CSMD1: variants seen among roughly 807,000 people sequenced by gnomAD.
The protein encoded by CSMD1 is CUB and sushi domain-containing protein 1.
In CSMD1, 213 loss-of-function variants were observed where a neutral mutation model predicts 417.5. The observed-to-expected ratio is 0.51, with a 90% CI of 0.46 to 0.57. CSMD1 has a LOEUF of 0.57. Among genes scored for constraint, CSMD1 ranks in the 20% least tolerant of loss-of-function variants. The pLI is 0.00. For missense variants in CSMD1, 6,923 were observed against 4,529.7 expected (o/e 1.53, Z -15.17); for synonymous variants, 2,862 against 1,736.8 (o/e 1.65, Z -16.11).
At chr8:2,986,354 G>C (rs1274323924) in intron 54 of CSMD1, among the ~76,000 whole-genome samples, 1 of 152,072 alleles carries the variant, frequency 6.6e-6, no homozygotes, top group Non-Finnish European at 1.5e-5. Flanking sequence ...GTTCTCCCAG[G>C]AAGTCGAGCA....
chr8:3,068,497 A>G (rs1007857562), intron 49 of CSMD1, among the ~76,000 whole-genome samples: 16 of 152,218 alleles, frequency 1.1e-4, no homozygotes, highest in Admixed American at 3.9e-4. Context: ...CATGTGTATT[A>G]GGCCATTCTC....
chr8:4,241,154 T>C (rs1236047412), intron 3 of CSMD1, among the ~76,000 whole-genome samples: 1 of 152,154 alleles, frequency 6.6e-6, no homozygotes, highest in African/African-American at 2.4e-5. Flanking sequence ...CTACAGCTTG[T>C]CTTCTTAAAC....
At chr8:3,329,251 CA>C (rs1806735426) in intron 23 of CSMD1, among the ~76,000 whole-genome samples, 1 of 152,034 alleles carries the variant, frequency 6.6e-6, no homozygotes, top group Non-Finnish European at 1.5e-5. Flanking sequence ...TCATTGACAG[CA>C]AAAGTGAACC....
At chr8:4,089,803 T>G (rs11783062) in intron 3 of CSMD1, among the ~76,000 whole-genome samples, 62,128 of 151,944 alleles carry the variant, frequency 0.41, 13,452 homozygotes, top group Admixed American at 0.47. Flanking sequence ...GTCTACCGAG[T>G]GTGTTTGGTC....
chr8:3,766,874 A>C (rs573438621), intron 5 of CSMD1, among the ~76,000 whole-genome samples: 1 of 152,176 alleles, frequency 6.6e-6, no homozygotes. Context: ...CAAATTTCTT[A>C]TATCACTTGA....
chr8:3,888,192 C>T lies in CSMD1; in HGVS notation c.818+109711G>A, dbSNP rs148826680. ...CCATAAAAATTATAACATACCTGAC[C>T]TAAAAACTTCAAATCAAAACCTAGA... is the stretch of plus-strand genomic sequence containing the variant. On this transcript the variant is annotated intron_variant, in intron 5 of 69. Transcript: ENST00000635120. 2.8e-4 allele frequency among the ~76,000 whole-genome samples: 42 copies of T among 152,230 alleles called. No individual in the cohort carries two copies. The East Asian group carries it at 7.9e-3, about 29-fold the overall frequency.
Position 4,146,137 on chromosome 8 carries a change from A to G in CSMD1, c.416-114038T>C, listed in dbSNP as rs1041623072. On this transcript the variant is annotated intron_variant, in intron 3 of 69. Transcript: ENST00000635120. ...AGTCGGTGAGGAATTCAGAGCCTAC[A>G]TATGATGGGTGACATATAATCCAGC... 7.3e-5 allele frequency among the ~76,000 whole-genome samples: 11 copies of G among 150,906 alleles called. 1 individual carries two copies. The highest frequency in any genetic ancestry group is 5.3e-4 in the Admixed American group (8 of 15,206).
rs11996202 is a variant in CSMD1 at position 4,285,839 on chromosome 8, T to C, written c.415+134114A>G. On this transcript the variant is annotated intron_variant, in intron 3 of 69. Coordinates refer to ENST00000635120, the MANE Select transcript of CSMD1 (RefSeq NM_033225.6). ...ACAGAAGATCATGTGTCCTTGGCTA[T>C]TTTAATCAGGAACAAAATCTACTTG... Among the ~76,000 whole-genome samples, 865 of 152,322 alleles carry C rather than the reference T, an allele frequency of 5.7e-3. 12 individuals are homozygous for C. The highest frequency in any genetic ancestry group is 0.019 in the African/African-American group (804 of 41,570).
At chr8:3,486,185 A>C (rs1818021355) in intron 11 of CSMD1, among the ~76,000 whole-genome samples, 1 of 152,210 alleles carries the variant, frequency 6.6e-6, no homozygotes, top group Non-Finnish European at 1.5e-5. Flanking sequence ...AGAACTCTGG[A>C]TGTTTTATTA....
intron 1 of CSMD1, among the ~76,000 whole-genome samples, chr8:4,958,352 TG>T (rs1447161681): frequency 2.6e-5 from 4 of 152,162 alleles, no homozygotes; most frequent in Admixed American, 6.5e-5. Context: ...AAGGTGAACA[TG>T]GTTGATCTTT....
At chr8:4,694,051 G>C (rs1214210562) in intron 1 of CSMD1, among the ~76,000 whole-genome samples, 3 of 152,164 alleles carry the variant, frequency 2.0e-5, no homozygotes, top group East Asian at 1.9e-4. Flanking sequence ...GAACTGCTTA[G>C]GGCAAACCTG....
At chr8:4,538,339 G>A (rs1370437490) in intron 2 of CSMD1, among the ~76,000 whole-genome samples, 2 of 151,866 alleles carry the variant, frequency 1.3e-5, no homozygotes, top group African/African-American at 4.8e-5. Context: ...TTTCTCTTCA[G>A]GTCTAACTTT....
chr8:4,112,987 GTTA>G (rs1465471868), intron 3 of CSMD1, among the ~76,000 whole-genome samples: 1 of 152,112 alleles, frequency 6.6e-6, no homozygotes, highest in African/African-American at 2.4e-5. Flanking sequence ...AAAAGTTGTT[GTTA>G]TTATATCTGT....
chr8:3,374,887 T>C (rs1298817213), intron 18 of CSMD1, among the ~76,000 whole-genome samples: 4 of 152,220 alleles, frequency 2.6e-5, no homozygotes, highest in African/African-American at 7.2e-5. Flanking sequence ...AATGGAAGTT[T>C]GCAGAGTCAG....
At chr8:3,195,723 C>T (rs1220903733) in intron 33 of CSMD1, among the ~76,000 whole-genome samples, 1 of 152,120 alleles carries the variant, frequency 6.6e-6, no homozygotes, top group Non-Finnish European at 1.5e-5. Context: ...TCGAGGAATT[C>T]CCGGGAGCTA....
At chr8:3,531,371 G>A (rs994591791) in intron 10 of CSMD1, among the ~76,000 whole-genome samples, 1 of 152,090 alleles carries the variant, frequency 6.6e-6, no homozygotes, top group Admixed American at 6.5e-5. Flanking sequence ...CATTTGCTCA[G>A]ATGTGTTTTC....
chr8:4,229,292 G>A (rs2128812829), intron 3 of CSMD1, among the ~76,000 whole-genome samples: 1 of 152,228 alleles, frequency 6.6e-6, no homozygotes, highest in East Asian at 1.9e-4. Flanking sequence ...ATTCTTCAGT[G>A]GCTTGAGCCA....
rs765829125 is a variant in CSMD1 at position 2,955,659 on chromosome 8, G to A, written c.9924C>T (p.Leu3308=). The part of the protein sequence containing the change: ...LVYTCHPGFF[L]AGGSEHRTCK... ...ATGTTCTGTGCTCAGATCCCCCTGC[G>A]AGGAAAAAGCCTGGATGGCAGGTGT... is the stretch of plus-strand genomic sequence containing the variant. Residue 3308 remains leucine, a synonymous_variant, in exon 64 of 70, where the codon CTC becomes CTT. Transcript: ENST00000635120. The A allele has an allele frequency of 3.7e-5, 60 of 1,613,764 alleles. 1 individual carries two copies. Among genetic ancestry groups the A allele is most frequent in the Admixed American group, 3.3e-5 (2 of 59,990 alleles).
chr8:4,451,911 C>G (rs80094404), intron 2 of CSMD1, among the ~76,000 whole-genome samples: 19,429 of 150,110 alleles, frequency 0.13, 1,360 homozygotes, highest in South Asian at 0.22. Context: ...AAAATGATAC[C>G]TGCCCAGAGA....
Sources: gnomAD v4.1 joint callset for allele counts (sites outside exome capture counted in the v4.1 genomes callset) on GRCh38, gnomAD v4.1.1 for gene constraint, MANE v1.5 for transcripts, NCBI Gene and HGNC (gene_info 2026-07-23, HGNC 2026-07-21) for gene names.